RERG: variants seen among roughly 807,000 people sequenced by gnomAD.
The protein encoded by RERG is ras-related and estrogen-regulated growth inhibitor.
A neutral mutation model predicts 23.2 loss-of-function variants in RERG; 25 were observed. That is an observed-to-expected ratio of 1.08 (90% confidence interval 0.79 to 1.50). The LOEUF is 1.50. RERG is among the 40% of genes most tolerant of loss of function. The pLI, the probability that RERG is intolerant of heterozygous loss-of-function variation, is 0.00. For synonymous variants in RERG, 81 were observed against 89.1 expected, an observed-to-expected ratio of 0.91 and a Z score of 0.51; for missense variants, 253 against 250.1, an observed-to-expected ratio of 1.01 and a Z score of -0.08.
chr12:15,135,503 G>A (rs1240104021), intron 2 of RERG, among the ~76,000 whole-genome samples: 1 of 152,130 alleles, frequency 6.6e-6, no homozygotes, highest in African/African-American at 2.4e-5. Context: ...GAAAGCACTT[G>A]CTTTCTCACC....
intron 2 of RERG, among the ~76,000 whole-genome samples, chr12:15,141,198 C>G (rs1021396780): frequency 1.6e-4 from 24 of 150,932 alleles, no homozygotes; most frequent in African/African-American, 5.1e-4. Flanking sequence ...CTCTGTCACC[C>G]AGGCTGCAGT....
In RERG at chr12:15,213,448, C is replaced by G. The variant is rs1865396398; in HGVS notation, c.61+3981G>C. On this transcript the variant is annotated intron_variant, in intron 2 of 4. Transcript: ENST00000256953. ...AAAGTAAATGTTTACCCGGCTGGGG[C>G]AAGAAAAGATAGAAAGGGCTGGGAA... Among the ~76,000 whole-genome samples, 6 of 152,132 alleles carry G rather than the reference C, an allele frequency of 3.9e-5. No individual in the cohort carries two copies. The South Asian group carries it at 1.0e-3, about 26-fold the overall frequency.
chr12:15,190,730 A>C (rs1339296930), intron 2 of RERG, among the ~76,000 whole-genome samples: 2 of 152,198 alleles, frequency 1.3e-5, no homozygotes, highest in African/African-American at 4.8e-5. Flanking sequence ...CAGTATCTGG[A>C]GTAAGTATAT....
At chr12:15,174,705 C>A (rs1379099696) in intron 2 of RERG, among the ~76,000 whole-genome samples, 3 of 150,278 alleles carry the variant, frequency 2.0e-5, no homozygotes, top group Admixed American at 6.6e-5. Flanking sequence ...CATTAAAGTT[C>A]ACCATTTTTT....
chr12:15,140,271 G>A (rs1480781563), intron 2 of RERG, among the ~76,000 whole-genome samples: 1 of 151,970 alleles, frequency 6.6e-6, no homozygotes, highest in African/African-American at 2.4e-5. Flanking sequence ...TCTCCCATTT[G>A]GGGGTTAGCA....
intron 2 of RERG, among the ~76,000 whole-genome samples, chr12:15,207,367 C>T (rs139462992): frequency 2.2e-3 from 337 of 152,128 alleles, no homozygotes; most frequent in African/African-American, 7.9e-3. Context: ...ACATCTATAC[C>T]TGGGTTAAAC....
chr12:15,173,282 A>T (rs1864801197), intron 2 of RERG, among the ~76,000 whole-genome samples: 1 of 151,976 alleles, frequency 6.6e-6, no homozygotes, highest in Non-Finnish European at 1.5e-5. Flanking sequence ...CTTCATAAAT[A>T]TATGGGTTTA....
At chr12:15,131,476 T>C (rs946762666) in intron 2 of RERG, among the ~76,000 whole-genome samples, 2 of 152,180 alleles carry the variant, frequency 1.3e-5, no homozygotes, top group Admixed American at 1.3e-4. Context: ...GATATAAAAT[T>C]TAGATTTTCA....
chr12:15,176,316 T>A (rs1351813205), intron 2 of RERG, among the ~76,000 whole-genome samples: 2 of 152,190 alleles, frequency 1.3e-5, no homozygotes, highest in Admixed American at 1.3e-4. Context: ...AGCCTACATT[T>A]TCCTAGTTTC....
intron 2 of RERG, among the ~76,000 whole-genome samples, chr12:15,164,588 C>T (rs914541684): frequency 3.3e-5 from 5 of 152,144 alleles, no homozygotes; most frequent in African/African-American, 4.8e-5. Flanking sequence ...CCCATTGGAC[C>T]GCCTTGATAT....
intron 2 of RERG, among the ~76,000 whole-genome samples, chr12:15,172,768 T>C (rs928705382): frequency 1.3e-5 from 2 of 152,216 alleles, no homozygotes; most frequent in South Asian, 4.1e-4. Flanking sequence ...TATTATTCAT[T>C]GTATATCTTC....
At chr12:15,118,706 T>C (rs1359783072) in intron 3 of RERG, among the ~76,000 whole-genome samples, 1 of 81,478 alleles carries the variant, frequency 1.2e-5, no homozygotes, top group Non-Finnish European at 2.6e-5. Context: ...GTGTCTGGCA[T>C]GCCCCCCCCC....
At chr12:15,115,021 G>A (rs17835004) in intron 3 of RERG, among the ~76,000 whole-genome samples, 16,833 of 152,026 alleles carry the variant, frequency 0.11, 1,011 homozygotes, top group Non-Finnish European at 0.12. Context: ...AAAGAATACC[G>A]TGTAGAAGAC....
intron 3 of RERG, among the ~76,000 whole-genome samples, chr12:15,120,822 C>A (rs1004301068): frequency 6.6e-6 from 1 of 152,182 alleles, no homozygotes; most frequent in Non-Finnish European, 1.5e-5. Context: ...GTACCCACTT[C>A]CTTTCCTCAT....
At chr12:15,162,667 G>A (rs1044212684) in intron 2 of RERG, among the ~76,000 whole-genome samples, 4 of 152,124 alleles carry the variant, frequency 2.6e-5, no homozygotes, top group African/African-American at 7.2e-5. Flanking sequence ...TTGTTCTCAA[G>A]GAAGGAAAAT....
At chr12:15,193,856 C>T (rs1347717018) in intron 2 of RERG, among the ~76,000 whole-genome samples, 1 of 151,992 alleles carries the variant, frequency 6.6e-6, no homozygotes, top group African/African-American at 2.4e-5. Context: ...CTATCATTTC[C>T]CCTGGATGTG....
intron 2 of RERG, among the ~76,000 whole-genome samples, chr12:15,172,145 C>T (rs1442828734): frequency 6.6e-6 from 1 of 152,090 alleles, no homozygotes; most frequent in Non-Finnish European, 1.5e-5. Flanking sequence ...ACTCCACGCC[C>T]ATCCATCCCC....
At chr12:15,127,778 A>G (rs928807095) in intron 2 of RERG, among the ~76,000 whole-genome samples, 1 of 152,236 alleles carries the variant, frequency 6.6e-6, no homozygotes, top group Non-Finnish European at 1.5e-5. Context: ...GCCATTAGGT[A>G]AGTTTTAGCT....
chr12:15,188,602 T>A (rs1264861901), intron 2 of RERG, among the ~76,000 whole-genome samples: 3 of 152,006 alleles, frequency 2.0e-5, no homozygotes, highest in African/African-American at 7.2e-5. Flanking sequence ...ATATTTTTCA[T>A]ATTTAATGTA....
Sources: gnomAD v4.1 joint callset for allele counts (sites outside exome capture counted in the v4.1 genomes callset) on GRCh38, gnomAD v4.1.1 for gene constraint, MANE v1.5 for transcripts, NCBI Gene and HGNC (gene_info 2026-07-23, HGNC 2026-07-21) for gene names.